The following FCER1A variants were observed in gnomAD, a reference collection of about 807,000 sequenced individuals.
FCER1A encodes the protein high affinity immunoglobulin epsilon receptor subunit alpha.
Under a neutral mutation model 23.6 loss-of-function variants are expected in FCER1A, and 24 were observed. That is an observed-to-expected ratio of 1.02 (90% CI 0.74 to 1.43). The LOEUF is 1.43. FCER1A is among the 40% of genes most tolerant of loss of function. The pLI is 0.00. For synonymous variants in FCER1A, 121 were observed against 108.8 expected (o/e 1.11, Z -0.70); for missense variants, 318 against 294.5 (o/e 1.08, Z -0.58).
chr1:159,303,008 C>G, intron 2 of FCER1A, 134 bp downstream of exon 2: 1 of 847,772 alleles, frequency 1.2e-6, no homozygotes, highest in Non-Finnish European at 2.0e-6. Context: ...TACTTTCCCT[C>G]TCCACCTTGC....
At chr1:159,307,248 G>A (rs1247814981) in intron 4 of FCER1A, among the ~76,000 whole-genome samples, 1 of 152,120 alleles carries the variant, frequency 6.6e-6, no homozygotes, top group African/African-American at 2.4e-5. Context: ...TATAATTTGA[G>A]ACTAATCACA....
intron 4 of FCER1A, 115 bp from the exon 5 acceptor site, chr1:159,307,633 G>A (rs531235531): frequency 2.1e-5 from 15 of 730,346 alleles, no homozygotes; most frequent in South Asian, 9.0e-5. Context: ...GCCACATCAC[G>A]CTAAAAATGA....
At chr1:159,307,045 C>T (rs12123454) in intron 4 of FCER1A, among the ~76,000 whole-genome samples, 6,633 of 152,286 alleles carry the variant, frequency 0.044, 177 homozygotes, top group Middle Eastern at 0.1. Context: ...CCATTAGAAT[C>T]ATTTGATAAC....
At chr1:159,302,779 C>T in intron 1 of FCER1A, 75 bp from the exon 2 acceptor site, 6 of 1,345,372 alleles carry the variant, frequency 4.5e-6, no homozygotes, top group East Asian at 4.6e-5. Context: ...GATCTTATCC[C>T]CACACCCAGA....
Position 159,308,199 on chromosome 1 carries a change from A to G in FCER1A, c.*267A>G, listed in dbSNP as rs959109889. On this transcript the variant is annotated 3_prime_UTR_variant, in exon 5 of 5. Transcript: ENST00000693622. ...TCAATTTCAATAAAATAAATATAAA[A>G]CCATGTAACAGAATGCTTCTGAGTA... The G allele has an allele frequency of 3.0e-6, 1 of 336,350 alleles. No individual in the cohort carries two copies. The allele number at this position is 336,350 out of a possible 1,614,324, so 20.8% of individuals were successfully genotyped here.
intron 3 of FCER1A, among the ~76,000 whole-genome samples, chr1:159,305,767 G>GC (rs1652583389): frequency 6.6e-6 from 1 of 152,146 alleles, no homozygotes; most frequent in African/African-American, 2.4e-5. Context: ...AGGCTTTGTG[G>GC]CCCCAGACTG....
At chr1:159,300,014 C>T (rs939276828), upstream of FCER1A, among the ~76,000 whole-genome samples, 1 of 151,932 alleles carries the variant, frequency 6.6e-6, no homozygotes, top group African/African-American at 2.4e-5. Flanking sequence ...AGTTTGGTTG[C>T]TTTTTAGGCT....
upstream of FCER1A, chr1:159,302,331 C>T: frequency 6.6e-7 from 1 of 1,519,596 alleles, no homozygotes; most frequent in Non-Finnish European, 9.1e-7. Flanking sequence ...TTAGATCTCT[C>T]CAGCACAGTA....
rs2102219638 is a variant in FCER1A, at chr1:159,294,567, CTTAT to C, written c.-60+4821_-60+4824del. 2.0e-5 allele frequency among the ~76,000 whole-genome samples: 3 copies of C among 152,264 alleles called. No homozygotes were observed. The South Asian group carries it at 6.2e-4, about 32-fold the overall frequency. ...TCACAAGCTGTCACTGTTCTGTTTA[CTTAT>C]TTATTTTCTGTTTTCTCCAATAGAA... On this transcript the variant is annotated intron_variant, in intron 1 of 5. Coordinates refer to the FCER1A transcript ENST00000368115.
At chr1:159,302,990 G>A (rs1652483774) in intron 2 of FCER1A, 116 bp downstream of exon 2, 2 of 1,003,192 alleles carry the variant, frequency 2.0e-6, no homozygotes, top group Admixed American at 1.7e-5. Context: ...TCTGTTCCTT[G>A]GCCAGACTAC....
chr1:159,307,353 A>G (rs1291165346), intron 4 of FCER1A, among the ~76,000 whole-genome samples: 1 of 152,236 alleles, frequency 6.6e-6, no homozygotes, highest in Non-Finnish European at 1.5e-5. Flanking sequence ...TTTGCCTAAC[A>G]GGCATGTAAG....
At position 159,306,107 on chromosome 1, in the gene FCER1A, G is replaced by A. The variant is rs951337950; in HGVS notation, c.451G>A (p.Ala151Thr). 1 of 1,614,158 alleles carries A rather than the reference G, an allele frequency of 6.2e-7. No homozygotes were observed. Residue 151 changes from alanine to threonine, a missense_variant, in exon 4 of 5, where the codon GCT (alanine) becomes ACT (threonine). Ala to Thr is a moderately conservative substitution (Grantham distance 58). Transcript: ENST00000693622. ...YKVIYYKDGE[A>T]LKYWYENHNI... ...GGTGATCTATTATAAGGATGGTGAA[G>A]CTCTCAAGTACTGGTATGAGAACCA...
chr1:159,298,291 A>C (rs561121756), upstream of FCER1A, among the ~76,000 whole-genome samples: 6 of 152,168 alleles, frequency 3.9e-5, no homozygotes, highest in Admixed American at 6.5e-5. Context: ...TCCAAATCTC[A>C]TGTTGAAATG....
chr1:159,305,132 GT>G (rs1205860627), intron 3 of FCER1A, among the ~76,000 whole-genome samples: 3 of 151,930 alleles, frequency 2.0e-5, no homozygotes, highest in African/African-American at 7.2e-5. Flanking sequence ...GAAAAAAAAT[GT>G]TTCAACCTCC....
intron 1 of FCER1A, among the ~76,000 whole-genome samples, chr1:159,290,348 C>G (rs981555882): frequency 6.6e-6 from 1 of 152,194 alleles, no homozygotes; most frequent in Admixed American, 6.5e-5. Flanking sequence ...CACCCTCTCT[C>G]TCAGGTCCAT....
intron 1 of FCER1A, among the ~76,000 whole-genome samples, chr1:159,292,818 C>A (rs115948087): frequency 0.032 from 4,881 of 152,024 alleles, 125 homozygotes; most frequent in Non-Finnish European, 0.053. Flanking sequence ...AATGGATTAA[C>A]CTAATTATGA....
intron 4 of FCER1A, among the ~76,000 whole-genome samples, chr1:159,307,069 T>G (rs1293048277): frequency 6.6e-6 from 1 of 152,220 alleles, no homozygotes; most frequent in Non-Finnish European, 1.5e-5. Context: ...AAAAATATAT[T>G]GATGCTCATG....
chr1:159,302,913 G>A (rs752033444), intron 2 of FCER1A, 39 bp downstream of exon 2: 1 of 1,592,822 alleles, frequency 6.3e-7, no homozygotes, highest in Non-Finnish European at 8.6e-7. Context: ...GTTTCAACAT[G>A]TCTGGGCATT....
At chr1:159,303,068 C>T (rs530884421) in intron 2 of FCER1A, among the ~76,000 whole-genome samples, 194 bp downstream of exon 2, 15 of 152,100 alleles carry the variant, frequency 9.9e-5, no homozygotes, top group Non-Finnish European at 1.9e-4. Flanking sequence ...AAGTCATTCT[C>T]TCCTCTGTTT....
Sources: allele counts gnomAD v4.1 joint callset (sites outside exome capture counted in the v4.1 genomes callset), GRCh38; gene constraint gnomAD v4.1.1; transcripts MANE v1.5; gene names NCBI Gene and HGNC (gene_info 2026-07-23, HGNC 2026-07-21).